The following PLCB1 variants were observed in gnomAD, a reference collection of about 807,000 sequenced individuals.
The protein encoded by PLCB1 is 1-phosphatidylinositol 4,5-bisphosphate phosphodiesterase beta-1.
In PLCB1, 46 loss-of-function variants were observed where a neutral mutation model predicts 161.8. The observed-to-expected ratio is 0.28, with a 90% CI of 0.22 to 0.36. PLCB1 has a LOEUF of 0.36. Among genes scored for constraint, PLCB1 ranks in the 10% least tolerant of loss-of-function variants. The pLI is 1.00. For missense variants in PLCB1, 1,016 were observed against 1,472.5 expected (o/e 0.69, Z 5.07); for synonymous variants, 517 against 503.7 (o/e 1.03, Z -0.35).
Position 8,881,985 on chromosome 20 carries a change from TC to T in PLCB1, c.*138del, listed in dbSNP as rs1988014315. The stretch of plus-strand genomic sequence containing the variant: ...CTAAAATCCACACCAAAGGGAGAGT[TC>T]CAGAGGAATCCATGAAGAATTCCCA... On this transcript the variant is annotated 3_prime_UTR_variant, in exon 32 of 32. Transcript: ENST00000338037. 1.6e-6 allele frequency: 1 copy of T among 629,334 alleles called. No homozygotes were observed. The highest frequency in any genetic ancestry group is 1.8e-5 in the African/African-American group (1 of 54,298). The allele number at this position is 629,334 out of a possible 1,614,324, so 39.0% of individuals were successfully genotyped here.
intron 2 of PLCB1, among the ~76,000 whole-genome samples, chr20:8,167,768 A>C (rs2051690284): frequency 6.6e-6 from 1 of 152,216 alleles, no homozygotes; most frequent in Non-Finnish European, 1.5e-5. Context: ...GAACAAAGAC[A>C]TTAGTCAGCT....
intron 18 of PLCB1, 184 bp downstream of exon 18, chr20:8,729,358 T>C (rs1220515583): frequency 2.4e-6 from 1 of 408,206 alleles, no homozygotes; most frequent in Non-Finnish European, 4.3e-6. Context: ...GACATGTTCT[T>C]CAATTATTCT....
intron 3 of PLCB1, among the ~76,000 whole-genome samples, chr20:8,508,016 C>T (rs1863098576): frequency 6.6e-6 from 1 of 152,080 alleles, no homozygotes; most frequent in Admixed American, 6.5e-5. Flanking sequence ...GGTGAGCCTC[C>T]AATGACTACA....
intron 3 of PLCB1, among the ~76,000 whole-genome samples, chr20:8,507,857 G>A (rs915519423): frequency 5.9e-5 from 9 of 152,028 alleles, no homozygotes; most frequent in African/African-American, 1.2e-4. Context: ...CATTATTATC[G>A]AATATTCTGT....
intron 18 of PLCB1, among the ~76,000 whole-genome samples, chr20:8,730,698 T>C (rs1179631576): frequency 6.6e-6 from 1 of 151,822 alleles, no homozygotes. Context: ...GACACCTTTT[T>C]AATTTTTAGT....
rs527429776 is a variant in PLCB1, at chr20:8,539,514, T to G, written c.247-88780T>G. Among the ~76,000 whole-genome samples the G allele has an allele frequency of 2.0e-5, 3 of 152,288 alleles. No homozygotes were observed. In the East Asian group the frequency reaches 5.8e-4, roughly 29 times the overall value. On this transcript the variant is annotated intron_variant, in intron 3 of 31. Coordinates refer to ENST00000338037, the MANE Select transcript of PLCB1 (RefSeq NM_015192.4). ...ATTAACAAGTTAAAACGTCTCCCTT[T>G]GAGGTCGGGAAATATTCACCTGACT... is the stretch of plus-strand genomic sequence containing the variant.
chr20:8,416,570 A>G (rs1979280345), intron 3 of PLCB1, among the ~76,000 whole-genome samples: 1 of 152,156 alleles, frequency 6.6e-6, no homozygotes, highest in South Asian at 2.1e-4. Context: ...AGGAAAAGTA[A>G]GTTTGCAAGG....
At chr20:8,486,481 AT>A (rs71183092) in intron 3 of PLCB1, among the ~76,000 whole-genome samples, 1,414 of 85,678 alleles carry the variant, frequency 0.017, 17 homozygotes, top group African/African-American at 0.032. Context: ...ATTCCAAAAT[AT>A]TTTTTTTTTT....
chr20:8,316,871 C>T (rs1056648605), intron 2 of PLCB1, among the ~76,000 whole-genome samples: 16 of 152,054 alleles, frequency 1.1e-4, no homozygotes, highest in African/African-American at 2.2e-4. Context: ...TATCCCCTCA[C>T]GGCATTTATC....
At chr20:8,462,977 A>C (rs147441050) in intron 3 of PLCB1, among the ~76,000 whole-genome samples, 2 of 152,182 alleles carry the variant, frequency 1.3e-5, no homozygotes, top group East Asian at 3.9e-4. Context: ...CCAACCTCGA[A>C]TAAATGAGAA....
At chr20:8,489,234 G>A (rs6108142) in intron 3 of PLCB1, among the ~76,000 whole-genome samples, 17,019 of 152,084 alleles carry the variant, frequency 0.11, 997 homozygotes, top group Non-Finnish European at 0.12. Context: ...ATGAGTAAAC[G>A]TCTATACACC....
intron 3 of PLCB1, among the ~76,000 whole-genome samples, chr20:8,409,603 C>T (rs1018334055): frequency 1.3e-5 from 2 of 151,942 alleles, no homozygotes; most frequent in African/African-American, 2.4e-5. Flanking sequence ...ACTGGGATTA[C>T]AGGCGCCCAC....
At chr20:8,617,264 A>T (rs914087401) in intron 3 of PLCB1, among the ~76,000 whole-genome samples, 1 of 152,230 alleles carries the variant, frequency 6.6e-6, no homozygotes, top group Non-Finnish European at 1.5e-5. Context: ...TGATACACAC[A>T]GCCATTATGA....
rs75322791 is a variant in PLCB1, at chr20:8,788,924, C to T, written c.3278+202C>T. Among the ~76,000 whole-genome samples the T allele has an allele frequency of 0.014, 2,155 of 152,148 alleles. 42 individuals carry two copies. Among genetic ancestry groups the T allele is most frequent in the African/African-American group, 0.05 (2,077 of 41,482 alleles). On this transcript the variant is annotated intron_variant, in intron 29 of 31. Transcript: ENST00000338037. ...GGTTCAATAAAGGAGTGAGGCACAC[C>T]CAGGGCCTTTTAGATAAAGAGTAAG...
At chr20:8,423,865 C>T (rs908197936) in intron 3 of PLCB1, among the ~76,000 whole-genome samples, 3 of 152,144 alleles carry the variant, frequency 2.0e-5, no homozygotes, top group Non-Finnish European at 4.4e-5. Flanking sequence ...ATCTATGCAT[C>T]GCTCAGAGCT....
At chr20:8,249,337 C>G (rs913767610) in intron 2 of PLCB1, 10 of 151,810 alleles carry the variant, frequency 6.6e-5, no homozygotes, top group African/African-American at 2.2e-4. Flanking sequence ...TTTGGGGTCT[C>G]TTGAGAGATT....
chr20:8,341,981 T>C (rs1377070605), intron 2 of PLCB1, among the ~76,000 whole-genome samples: 1 of 151,868 alleles, frequency 6.6e-6, no homozygotes, highest in African/African-American at 2.4e-5. Context: ...ATCTGTGATA[T>C]AAATCATTGA....
chr20:8,578,053 A>T (rs1279896824), intron 3 of PLCB1, among the ~76,000 whole-genome samples: 1 of 152,214 alleles, frequency 6.6e-6, no homozygotes, highest in Non-Finnish European at 1.5e-5. Context: ...ACTAGCAATT[A>T]ACTCATAATC....
intron 2 of PLCB1, among the ~76,000 whole-genome samples, chr20:8,155,511 AT>A (rs1304080686): frequency 6.6e-6 from 1 of 152,222 alleles, no homozygotes; most frequent in African/African-American, 2.4e-5. Flanking sequence ...TCACAGTAAC[AT>A]TTTTCAGCAT....
Sources: allele counts gnomAD v4.1 joint callset (sites outside exome capture counted in the v4.1 genomes callset), GRCh38; gene constraint gnomAD v4.1.1; transcripts MANE v1.5; gene names NCBI Gene and HGNC (gene_info 2026-07-23, HGNC 2026-07-21).